The following HTR1E variants were observed in gnomAD, a reference collection of about 807,000 sequenced individuals.
The protein encoded by HTR1E is 5-hydroxytryptamine receptor 1E.
In HTR1E, 3 loss-of-function variants were observed where a neutral mutation model predicts 3.4. The observed-to-expected ratio is 0.89, with a 90% CI of 0.41 to 2.31. The LOEUF (loss-of-function observed/expected upper bound fraction) is 2.31. Ranked by LOEUF, HTR1E falls within the 30% of genes most tolerant of loss-of-function variation. The pLI is 0.05. For synonymous variants in HTR1E, 170 were observed against 182.8 expected (o/e 0.93, Z 0.56); for missense variants, 392 against 467.0 (o/e 0.84, Z 1.48).
At chr6:87,006,701 A>G (rs1768114138) in intron 1 of HTR1E, among the ~76,000 whole-genome samples, 1 of 152,234 alleles carries the variant, frequency 6.6e-6, no homozygotes, top group Admixed American at 6.5e-5. Context: ...TACACTGGTA[A>G]AGAAAACGTG....
chr6:87,006,074 C>T lies in HTR1E; in HGVS notation c.-185-9076C>T, dbSNP rs115090704. Among the ~76,000 whole-genome samples, 706 of 152,192 alleles carry T rather than the reference C, an allele frequency of 4.6e-3. 2 individuals carry two copies. Among genetic ancestry groups the T allele is most frequent in the African/African-American group, 0.016 (677 of 41,536 alleles). On this transcript the variant is annotated intron_variant, in intron 1 of 1. Transcript: ENST00000305344. The stretch of plus-strand genomic sequence containing the variant: ...AAATGGCATTTATCCAAAAGATAGG[C>T]AATAACAAATGCTGGTGAAGAATTG...
intron 1 of HTR1E, among the ~76,000 whole-genome samples, chr6:86,984,058 A>G (rs1486559743): frequency 1.3e-5 from 2 of 152,074 alleles, no homozygotes; most frequent in African/African-American, 2.4e-5. Context: ...TACTCTAGAA[A>G]AGTTTTCCAA....
chr6:86,977,119 T>C (rs1480652830), intron 1 of HTR1E, among the ~76,000 whole-genome samples: 1 of 152,154 alleles, frequency 6.6e-6, no homozygotes, highest in Non-Finnish European at 1.5e-5. Flanking sequence ...GTTTGTTACA[T>C]GGGTATGTTA....
chr6:87,002,799 C>T (rs1426993309), intron 1 of HTR1E, among the ~76,000 whole-genome samples: 1 of 152,186 alleles, frequency 6.6e-6, no homozygotes, highest in Non-Finnish European at 1.5e-5. Flanking sequence ...CTGGCTTCAC[C>T]TCTCAGGAGC....
chr6:86,949,385 G>C (rs985757894), intron 1 of HTR1E, among the ~76,000 whole-genome samples: 26 of 152,296 alleles, frequency 1.7e-4, no homozygotes, highest in Admixed American at 1.3e-3. Context: ...TTGTTATTTT[G>C]AAGGCAGAAA....
chr6:86,965,828 T>C (rs1767464401), intron 1 of HTR1E, among the ~76,000 whole-genome samples: 1 of 151,924 alleles, frequency 6.6e-6, no homozygotes, highest in Admixed American at 6.6e-5. Context: ...ATAAGAATGA[T>C]ACAATGGACT....
intron 1 of HTR1E, among the ~76,000 whole-genome samples, chr6:87,011,966 C>G (rs1053047724): frequency 6.6e-6 from 1 of 152,060 alleles, no homozygotes; most frequent in Non-Finnish European, 1.5e-5. Context: ...AAGACTTGGG[C>G]CAGAAGTTCT....
intron 1 of HTR1E, among the ~76,000 whole-genome samples, chr6:86,978,407 ATACGT>A (rs2127824777): frequency 6.6e-6 from 1 of 152,312 alleles, no homozygotes; most frequent in East Asian, 1.9e-4. Context: ...TGTTAAGAAC[ATACGT>A]TACATCAGAT....
chr6:86,949,285 T>G (rs1389475649), intron 1 of HTR1E, among the ~76,000 whole-genome samples: 1 of 152,194 alleles, frequency 6.6e-6, no homozygotes, highest in Non-Finnish European at 1.5e-5. Flanking sequence ...TTTGCAGGGT[T>G]AAGTAAGTTA....
At chr6:86,943,073 A>G (rs1434865014) in intron 1 of HTR1E, among the ~76,000 whole-genome samples, 2 of 152,204 alleles carry the variant, frequency 1.3e-5, no homozygotes, top group African/African-American at 4.8e-5. Flanking sequence ...AGACTTATGT[A>G]CCATTAGCAT....
chr6:86,939,415 C>T (rs74550080), intron 1 of HTR1E, among the ~76,000 whole-genome samples: 2,531 of 152,270 alleles, frequency 0.017, 69 homozygotes, highest in African/African-American at 0.058. Context: ...CACTCAAATC[C>T]TGATTCATCA....
chr6:86,979,373 G>T (rs1356468462), intron 1 of HTR1E, among the ~76,000 whole-genome samples: 4 of 152,134 alleles, frequency 2.6e-5, no homozygotes, highest in Non-Finnish European at 1.5e-5. Context: ...ATTCACAAAG[G>T]AGTCCATGAC....
Position 87,016,066 on chromosome 6 carries a change from G to C in HTR1E, c.732G>C (p.Val244=), listed in dbSNP as rs1216819921. ...GTAAACTTACACAGACTTTCTGTGTGTCTGACTTCTCCACCTCAGACCCTA... is the reference window on the plus strand; with the variant it reads ...GTAAACTTACACAGACTTTCTGTGTCTCTGACTTCTCCACCTCAGACCCTA... ...ASCKLTQTFC[V]SDFSTSDPTT... The change falls in exon 2 of 2, where the codon GTG becomes GTC. Residue 244 remains valine, a synonymous_variant. Transcript: ENST00000305344. The C allele has an allele frequency of 6.2e-7, 1 of 1,614,170 alleles. No homozygotes were observed. Among genetic ancestry groups the C allele is most frequent in the Admixed American group, 1.7e-5 (1 of 60,026 alleles).
At chr6:86,958,978 G>C (rs1582260796) in intron 1 of HTR1E, among the ~76,000 whole-genome samples, 1 of 141,396 alleles carries the variant, frequency 7.1e-6, no homozygotes, top group South Asian at 2.2e-4. Flanking sequence ...GTGTGTGTGT[G>C]TGTGTACAGA....
At chr6:86,976,634 T>C (rs1767643374) in intron 1 of HTR1E, among the ~76,000 whole-genome samples, 1 of 152,220 alleles carries the variant, frequency 6.6e-6, no homozygotes, top group Non-Finnish European at 1.5e-5. Context: ...GATATGTGTA[T>C]AAATGGAACG....
chr6:86,939,516 A>G (rs1045918988), intron 1 of HTR1E, among the ~76,000 whole-genome samples: 7 of 152,234 alleles, frequency 4.6e-5, no homozygotes, highest in African/African-American at 1.7e-4. Flanking sequence ...TGAGACTTCT[A>G]GTAACAGAGC....
At chr6:86,994,624 G>A (rs1316728934) in intron 1 of HTR1E, among the ~76,000 whole-genome samples, 1 of 151,872 alleles carries the variant, frequency 6.6e-6, no homozygotes, top group East Asian at 1.9e-4. Context: ...AATAGCTAAA[G>A]AAAGTTCTCT....
chr6:87,012,239 G>A (rs2127833809), intron 1 of HTR1E, among the ~76,000 whole-genome samples: 1 of 152,288 alleles, frequency 6.6e-6, no homozygotes, highest in East Asian at 1.9e-4. Flanking sequence ...CCAGAGACTT[G>A]GGGGTGTGGT....
intron 1 of HTR1E, among the ~76,000 whole-genome samples, chr6:86,942,062 C>T (rs1454216572): frequency 2.0e-5 from 3 of 152,062 alleles, no homozygotes; most frequent in Non-Finnish European, 4.4e-5. Context: ...GCCTGGTTAG[C>T]GACAATATAA....
Sources: allele counts gnomAD v4.1 joint callset (sites outside exome capture counted in the v4.1 genomes callset), GRCh38; gene constraint gnomAD v4.1.1; transcripts MANE v1.5; gene names NCBI Gene and HGNC (gene_info 2026-07-23, HGNC 2026-07-21).